The following DSG1 variants were observed in gnomAD, a reference collection of about 807,000 sequenced individuals.
DSG1 encodes the protein desmoglein 1, also known as desmoglein-1.
DSG1 carries 39 observed loss-of-function variants against 97.5 expected under a neutral mutation model. The ratio of observed to expected loss-of-function variants is 0.40; its 90% confidence interval spans 0.31 to 0.52. The LOEUF (loss-of-function observed/expected upper bound fraction) is 0.52, where lower values mean the gene tolerates loss of function less well. Among genes scored for constraint, DSG1 ranks in the 20% least tolerant of loss-of-function variants. DSG1 has a pLI of 0.53. For synonymous variants in DSG1, 475 were observed against 443.4 expected, an observed-to-expected ratio of 1.07 and a Z score of -0.90; for missense variants, 1,311 against 1,295.4, an observed-to-expected ratio of 1.01 and a Z score of -0.18.
rs1275735637 is a variant in DSG1, at chr18:31,356,386, A to G, written c.*1040A>G. The G allele has an allele frequency of 6.6e-6, 1 of 152,206 alleles. No individual in the cohort carries two copies. Among genetic ancestry groups the G allele is most frequent in the Non-Finnish European group, 1.5e-5 (1 of 68,022 alleles). 9.4% of individuals were successfully genotyped at this position (152,206 alleles called of 1,614,324 possible). A position where few individuals can be genotyped will look rare whatever the true frequency, so the allele number is the denominator to read the frequency against. On this transcript the variant is annotated 3_prime_UTR_variant, in exon 15 of 15. Coordinates refer to ENST00000257192, the MANE Select transcript of DSG1 (RefSeq NM_001942.4). ...CATAGGCCGAGCTGTGGACAAAAAAAAAAGAAGCAGCAGCTTGTAGTATGC... is the reference window on the plus strand; with the variant it reads ...CATAGGCCGAGCTGTGGACAAAAAAGAAAGAAGCAGCAGCTTGTAGTATGC...
intron 13 of DSG1, among the ~76,000 whole-genome samples, chr18:31,344,933 G>A (rs548414555): frequency 6.6e-6 from 1 of 152,040 alleles, no homozygotes; most frequent in South Asian, 2.1e-4. Flanking sequence ...TGTAGAACTG[G>A]ACCTTATTCA....
At chr18:31,337,123 T>A (rs2071760547) in intron 9 of DSG1, among the ~76,000 whole-genome samples, 1 of 152,242 alleles carries the variant, frequency 6.6e-6, no homozygotes, top group African/African-American at 2.4e-5. Context: ...TATGCAGATA[T>A]TTCTACCAAG....
At chr18:31,350,981 T>C (rs1274874678) in intron 14 of DSG1, among the ~76,000 whole-genome samples, 1 of 150,330 alleles carries the variant, frequency 6.7e-6, no homozygotes, top group Non-Finnish European at 1.5e-5. Context: ...AGTTCTGCTC[T>C]GATCTTAGTT....
chr18:31,327,116 G>A (rs915933732), intron 3 of DSG1, 111 bp downstream of exon 3: 1 of 1,373,400 alleles, frequency 7.3e-7, no homozygotes, highest in Non-Finnish European at 1.0e-6. Flanking sequence ...CTACGATACA[G>A]AACAGAACTA....
rs1466982569 is a variant in DSG1 at position 31,357,854 on chromosome 18, T to G, written c.*2508T>G. Among the ~76,000 whole-genome samples, 1 of 152,032 alleles carries G rather than the reference T, an allele frequency of 6.6e-6. No individual in the cohort carries two copies. Reference sequence around the variant, plus strand: ...CTGGGAAGATACTTTCCAACTAATTTTTTCTTCCAGGATTGCACACTGATT... The same window carrying G: ...CTGGGAAGATACTTTCCAACTAATTGTTTCTTCCAGGATTGCACACTGATT... On this transcript the variant is annotated 3_prime_UTR_variant, in exon 15 of 15. Coordinates refer to ENST00000257192, the MANE Select transcript of DSG1 (RefSeq NM_001942.4).
At chr18:31,324,670 C>T (rs1237720487) in intron 1 of DSG1, among the ~76,000 whole-genome samples, 1 of 152,156 alleles carries the variant, frequency 6.6e-6, no homozygotes, top group Non-Finnish European at 1.5e-5. Flanking sequence ...TGTTCTCAAG[C>T]CCTGCCAATG....
intron 4 of DSG1, 124 bp downstream of exon 4, chr18:31,328,468 A>T (rs2071700389): frequency 1.1e-6 from 1 of 915,622 alleles, no homozygotes; most frequent in Non-Finnish European, 1.7e-6. Flanking sequence ...TTGTTTCTTA[A>T]TTCACGAGCA....
chr18:31,340,336 G>C (rs1465531374), intron 11 of DSG1, among the ~76,000 whole-genome samples: 1 of 151,718 alleles, frequency 6.6e-6, no homozygotes, highest in Non-Finnish European at 1.5e-5. Context: ...GCGGGGTGTG[G>C]TGGCTCATGC....
chr18:31,327,045 T>A, intron 3 of DSG1, 40 bp downstream of exon 3: 16 of 1,611,838 alleles, frequency 9.9e-6, no homozygotes, highest in Non-Finnish European at 1.3e-5. Context: ...AAAATCAGAA[T>A]GGATAAAGTT....
Position 31,331,814 on chromosome 18 carries a change from A to G in DSG1, c.631A>G (p.Ile211Val). The change falls in exon 6 of 15, where the codon ATC becomes GTC. Residue 211 changes from isoleucine (I) to valine (V), a missense_variant. Around this residue, in one of 3 missense-constraint regions of DSG1, gnomAD observed 259 missense variants for 304.1 expected, o/e 0.85. Coordinates refer to ENST00000257192, the MANE Select transcript of DSG1 (RefSeq NM_001942.4). ...QEPSDSPMFI[I>V]NRNTGEIRTM... ...ACCTTCAGATTCACCAATGTTTATT[A>G]TCAACAGAAATACTGGAGAAATTCG... The G allele has an allele frequency of 6.2e-7, 1 of 1,612,826 alleles. No individual in the cohort carries two copies. Among genetic ancestry groups the G allele is most frequent in the South Asian group, 1.1e-5 (1 of 91,050 alleles).
intron 14 of DSG1, among the ~76,000 whole-genome samples, chr18:31,348,851 G>A (rs560191214): frequency 7.7e-6 from 1 of 129,272 alleles, no homozygotes; most frequent in East Asian, 2.3e-4. Flanking sequence ...GTTCATTGTA[G>A]ATTCTGGATA....
In DSG1 at chr18:31,339,962, G is replaced by A; in HGVS notation, c.1624G>A (p.Asp542Asn). Reference sequence around the variant, plus strand: ...AAACGGAGCCAAAGATTTGTTATCAGACAATGTACATTTTGGTCCTGCTGG... The same window carrying A: ...AAACGGAGCCAAAGATTTGTTATCAAACAATGTACATTTTGGTCCTGCTGG... The part of the protein sequence containing the change: ...PGNGAKDLLS[D>N]NVHFGPAGIG... The change falls in exon 11 of 15, where the codon GAC becomes AAC. Residue 542 changes from aspartate (D) to asparagine (N), a missense_variant. Around this residue, in one of 3 missense-constraint regions of DSG1, gnomAD observed 1,038 missense variants for 964.6 expected, o/e 1.08. Transcript: ENST00000257192. The A allele has an allele frequency of 1.9e-6, 3 of 1,614,044 alleles. No homozygotes were observed. The highest frequency in any genetic ancestry group is 2.5e-6 in the Non-Finnish European group (3 of 1,179,974).
chr18:31,323,866 C>T (rs893505211), intron 1 of DSG1, among the ~76,000 whole-genome samples: 9 of 152,010 alleles, frequency 5.9e-5, no homozygotes, highest in African/African-American at 2.2e-4. Flanking sequence ...TCTTTCAACC[C>T]CATCTGTCTT....
intron 8 of DSG1, among the ~76,000 whole-genome samples, chr18:31,334,746 T>C (rs1001003654): frequency 6.6e-6 from 1 of 152,156 alleles, no homozygotes; most frequent in African/African-American, 2.4e-5. Flanking sequence ...ACAGATATAC[T>C]GGAAATTTGG....
At chr18:31,340,327 C>T (rs1025968187) in intron 11 of DSG1, among the ~76,000 whole-genome samples, 26 of 151,554 alleles carry the variant, frequency 1.7e-4, no homozygotes, top group Admixed American at 9.2e-4. Context: ...CTACAGAGGG[C>T]GGGGTGTGGT....
intron 13 of DSG1, 68 bp from the exon 14 acceptor site, chr18:31,345,922 G>A (rs2071829470): frequency 1.6e-6 from 2 of 1,258,680 alleles, no homozygotes; most frequent in African/African-American, 3.0e-5. Flanking sequence ...CATATTACAA[G>A]GCAAGTTGTT....
In DSG1 at chr18:31,354,348, T is replaced by C. The variant is rs769055336; in HGVS notation, c.2152T>C (p.Leu718=). Residue 718 remains leucine, a synonymous_variant, in exon 15 of 15, where the codon TTG becomes CTG. Coordinates refer to ENST00000257192, the MANE Select transcript of DSG1 (RefSeq NM_001942.4). The stretch of plus-strand genomic sequence containing the variant: ...TGAAGGACGCCCATCTAATGACTGT[T>C]TGCTCATATATGACATCGAAGGTGT... The part of the protein sequence containing the change: ...EDEGRPSNDC[L]LIYDIEGVGS... 3 of 1,614,212 alleles carry C rather than the reference T, an allele frequency of 1.9e-6. No homozygotes were observed. In the South Asian group the frequency reaches 3.3e-5, roughly 18 times the overall value.
intron 1 of DSG1, 27 bp from the exon 2 acceptor site, chr18:31,326,550 ATAAC>A: frequency 6.5e-7 from 1 of 1,527,090 alleles, no homozygotes; most frequent in Non-Finnish European, 9.1e-7. Flanking sequence ...TAATTAAAAA[ATAAC>A]TAGTGTGATT....
chr18:31,337,473 G>A (rs552056505), intron 9 of DSG1, among the ~76,000 whole-genome samples: 17 of 152,100 alleles, frequency 1.1e-4, no homozygotes, highest in African/African-American at 4.1e-4. Context: ...GGTCAGTCTC[G>A]AACTCCAGAG....
Sources: gnomAD v4.1 joint callset for allele counts (sites outside exome capture counted in the v4.1 genomes callset) on GRCh38, gnomAD v4.1.1 for gene constraint, gnomAD v4.1.1 regional missense constraint, MANE v1.5 for transcripts, NCBI Gene and HGNC (gene_info 2026-07-23, HGNC 2026-07-21) for gene names.